Variants in BRAF observed in about 807,000 individuals in gnomAD.
The protein encoded by BRAF is B-Raf proto-oncogene, serine/threonine kinase.
In BRAF, 16 loss-of-function variants were observed where a neutral mutation model predicts 104.6. That is an observed-to-expected ratio of 0.15 (90% confidence interval 0.10 to 0.23). The LOEUF (loss-of-function observed/expected upper bound fraction) is 0.23. Among genes scored for constraint, BRAF ranks in the 10% least tolerant of loss-of-function variants. The probability of loss-of-function intolerance (pLI) is 1.00; values close to 1 mark genes in which losing one functional copy is unlikely to be tolerated. For synonymous variants in BRAF, 310 were observed against 341.6 expected, an observed-to-expected ratio of 0.91 and a Z score of 1.02; for missense variants, 541 against 937.3, an observed-to-expected ratio of 0.58 and a Z score of 5.52.
intron 1 of BRAF, among the ~76,000 whole-genome samples, chr7:140,903,342 C>T (rs1554425866): frequency 6.6e-6 from 1 of 152,200 alleles, no homozygotes; most frequent in Non-Finnish European, 1.5e-5. Flanking sequence ...AATTTACTGT[C>T]TGTGCTCTGT....
intron 7 of BRAF, 46 bp from the exon 8 acceptor site, chr7:140,794,513 T>A: frequency 6.4e-7 from 1 of 1,574,456 alleles, no homozygotes; most frequent in Non-Finnish European, 8.7e-7. Flanking sequence ...AGTAACGATA[T>A]AAAGGTAATA....
chr7:140,872,363 T>A (rs1468655837), intron 1 of BRAF, among the ~76,000 whole-genome samples: 22 of 150,734 alleles, frequency 1.5e-4, no homozygotes, highest in Admixed American at 6.6e-4. Context: ...AAAAAAAAAA[T>A]ATGAAGTAAA....
At chr7:140,923,486 G>A (rs62485377) in intron 1 of BRAF, among the ~76,000 whole-genome samples, 8,464 of 152,136 alleles carry the variant, frequency 0.056, 287 homozygotes, top group South Asian at 0.11. Flanking sequence ...AGAGAAGCAA[G>A]GACTGGAGAG....
intron 1 of BRAF, among the ~76,000 whole-genome samples, chr7:140,864,786 A>T (rs1271366060): frequency 6.6e-6 from 1 of 152,194 alleles, no homozygotes; most frequent in Admixed American, 6.5e-5. Context: ...GCTGGGAGAT[A>T]ATAGAGCATG....
At chr7:140,813,943 T>C (rs985417359) in intron 3 of BRAF, among the ~76,000 whole-genome samples, 6 of 151,618 alleles carry the variant, frequency 4.0e-5, no homozygotes, top group Non-Finnish European at 5.9e-5. Context: ...ACCTAAAAGG[T>C]GCAGAGAAAA....
chr7:140,798,771 A>C (rs1802773917), intron 7 of BRAF, among the ~76,000 whole-genome samples: 1 of 151,678 alleles, frequency 6.6e-6, no homozygotes. Context: ...TTCCAAAGTA[A>C]ACTGATACCC....
rs1041238720 is a variant in BRAF, at chr7:140,867,526, G to A, written c.139-17314C>T. Among the ~76,000 whole-genome samples the A allele has an allele frequency of 4.2e-5, 6 of 143,988 alleles. No individual in the cohort carries two copies. The South Asian group carries it at 6.4e-4, about 15-fold the overall frequency. 94.5% of individuals were successfully genotyped at this position (143,988 alleles called of 152,430 possible). A position where few individuals can be genotyped will look rare whatever the true frequency, so the allele number is the denominator to read the frequency against. ...ACATTCTAGTTAAGGGAAGATAAAC[G>A]CTAAAAAAAAAAACAGACAATGTCA... On this transcript the variant is annotated intron_variant, in intron 1 of 19. Transcript: ENST00000644969.
chr7:140,755,800 A>G (rs920646885), intron 14 of BRAF, among the ~76,000 whole-genome samples: 1 of 152,036 alleles, frequency 6.6e-6, no homozygotes, highest in African/African-American at 2.4e-5. Context: ...ATTAGAAAGA[A>G]AGGGGGATAA....
At chr7:140,749,488 A>T (rs2128994878) in intron 16 of BRAF, 70 bp from the exon 16 acceptor site, 1 of 1,512,574 alleles carries the variant, frequency 6.6e-7, no homozygotes, top group East Asian at 2.3e-5. Flanking sequence ...ACCTACTATA[A>T]TTCCTAGAGC....
chr7:140,852,782 G>C (rs1412206048), intron 1 of BRAF, among the ~76,000 whole-genome samples: 1 of 152,038 alleles, frequency 6.6e-6, no homozygotes, highest in African/African-American at 2.4e-5. Flanking sequence ...ATACCTAATA[G>C]GCATTTCAAA....
At chr7:140,909,287 T>C (rs2129137921) in intron 1 of BRAF, among the ~76,000 whole-genome samples, 1 of 152,122 alleles carries the variant, frequency 6.6e-6, no homozygotes, top group East Asian at 1.9e-4. Flanking sequence ...TAGCCGGGCA[T>C]GGTGGCACAT....
intron 3 of BRAF, among the ~76,000 whole-genome samples, chr7:140,827,059 G>T (rs1016368428): frequency 6.6e-6 from 1 of 152,104 alleles, no homozygotes; most frequent in Non-Finnish European, 1.5e-5. Flanking sequence ...TTTCCTCATG[G>T]TGCTTACCTT....
intron 13 of BRAF, 114 bp downstream of exon 12, chr7:140,777,877 A>T: frequency 1.9e-6 from 2 of 1,063,082 alleles, no homozygotes; most frequent in Non-Finnish European, 2.8e-6. Flanking sequence ...CTCTGTTTCT[A>T]CAAATTTATT....
Position 140,884,429 on chromosome 7 carries a change from A to ATGTGTGTGTGTGTG in BRAF, c.139-34231_139-34218dup, listed in dbSNP as rs71170770. Among the ~76,000 whole-genome samples, 756 of 127,476 alleles carry ATGTGTGTGTGTGTG rather than the reference A, an allele frequency of 5.9e-3. 6 individuals carry two copies. Among genetic ancestry groups the ATGTGTGTGTGTGTG allele is most frequent in the African/African-American group, 6.2e-3 (215 of 34,498 alleles). 83.6% of individuals were successfully genotyped at this position (127,476 alleles called of 152,430 possible). A position where few individuals can be genotyped will look rare whatever the true frequency, so the allele number is the denominator to read the frequency against. On this transcript the variant is annotated intron_variant, in intron 1 of 19. Coordinates refer to ENST00000644969, the MANE Select transcript of BRAF (RefSeq NM_001374258.1). Reference sequence around the variant, plus strand: ...AGGATCTCTTATATATATATAAGATATGTGTGTGTGTGTGTGTGTGTGTGT... The same window carrying ATGTGTGTGTGTGTG: ...AGGATCTCTTATATATATATAAGATATGTGTGTGTGTGTGTGTGTGTGTGTGTGTGTGTGTGTGT...
At chr7:140,801,357 A>AC (rs1469199981) in intron 6 of BRAF, 55 bp downstream of exon 6, 1 of 1,592,554 alleles carries the variant, frequency 6.3e-7, no homozygotes, top group African/African-American at 1.3e-5. Flanking sequence ...CTTCACATTA[A>AC]GAAAATTTAA....
chr7:140,894,225 C>A (rs936834411), intron 1 of BRAF, among the ~76,000 whole-genome samples: 1 of 151,920 alleles, frequency 6.6e-6, no homozygotes, highest in African/African-American at 2.4e-5. Flanking sequence ...ATGAAGGCCA[C>A]GGTGGAAACA....
chr7:140,774,965 A>G (rs1800192326), intron 14 of BRAF, among the ~76,000 whole-genome samples: 1 of 152,234 alleles, frequency 6.6e-6, no homozygotes. Flanking sequence ...TAGGCATAAA[A>G]TAATGAAAAA....
At position 140,719,660 on chromosome 7, in the gene BRAF, G is replaced by C. The variant is rs1396477704; in HGVS notation, c.*6834C>G. ...AGATTCAAGCAAACATTGAGAATAG[G>C]GGAAAAGAGGGAGACATCATCCATT... On this transcript the variant is annotated 3_prime_UTR_variant, in exon 20 of 20. Transcript: ENST00000644969. The C allele has an allele frequency of 1.9e-6, 2 of 1,060,998 alleles. No individual in the cohort carries two copies. The highest frequency in any genetic ancestry group is 1.6e-5 in the African/African-American group (1 of 60,908). The allele number at this position is 1,060,998 out of a possible 1,614,324, so 65.7% of individuals were successfully genotyped here.
At chr7:140,755,238 T>A (rs748790120) in intron 14 of BRAF, among the ~76,000 whole-genome samples, 14 of 152,222 alleles carry the variant, frequency 9.2e-5, no homozygotes, top group Non-Finnish European at 1.3e-4. Context: ...TACAATAAGA[T>A]GCATATAATG....
Sources: allele counts gnomAD v4.1 joint callset (sites outside exome capture counted in the v4.1 genomes callset), GRCh38; gene constraint gnomAD v4.1.1; transcripts MANE v1.5; gene names NCBI Gene and HGNC (gene_info 2026-07-23, HGNC 2026-07-21).